The following TRIM37 variants were observed in gnomAD, a reference collection of about 807,000 sequenced individuals.
TRIM37 encodes the protein E3 ubiquitin-protein ligase TRIM37.
TRIM37 carries 80 observed loss-of-function variants against 129.8 expected under a neutral mutation model. The observed-to-expected ratio is 0.62, with a 90% CI of 0.51 to 0.74. The LOEUF (loss-of-function observed/expected upper bound fraction) is 0.74, where lower values mean the gene tolerates loss of function less well. TRIM37 is among the 30% of genes least tolerant of loss of function. TRIM37 has a pLI of 0.00. For missense variants in TRIM37, 1,054 were observed against 1,176.5 expected, an observed-to-expected ratio of 0.90 and a Z score of 1.52; for synonymous variants, 389 against 387.1, an observed-to-expected ratio of 1.00 and a Z score of -0.06.
At chr17:58,996,911 A>C (rs148915685), downstream of TRIM37, among the ~76,000 whole-genome samples, 1 of 151,998 alleles carries the variant, frequency 6.6e-6, no homozygotes, top group East Asian at 1.9e-4. Flanking sequence ...GCATAACCTC[A>C]ATTTAATATA....
rs746916269 is a variant in TRIM37 at position 59,088,365 on chromosome 17, T to C, written c.207A>G (p.Ala69=). 4.3e-6 allele frequency: 7 copies of C among 1,613,832 alleles called. No homozygotes were observed. The highest frequency in any genetic ancestry group is 5.9e-6 in the Non-Finnish European group (7 of 1,179,872). Reference sequence around the variant, plus strand: ...TATCAAGCTGTTGTGTTACTTCTTCTGCCCAACGACAATTTACTAGTTCTC... The same window carrying C: ...TATCAAGCTGTTGTGTTACTTCTTCCGCCCAACGACAATTTACTAGTTCTC... ...QLRELVNCRW[A]EEVTQQLDTL... The change falls in exon 4 of 24, where the codon GCA becomes GCG. Residue 69 remains alanine (A), a synonymous_variant. Transcript: ENST00000262294.
At chr17:59,046,352 C>T (rs1599134161) in intron 16 of TRIM37, among the ~76,000 whole-genome samples, 1 of 152,124 alleles carries the variant, frequency 6.6e-6, no homozygotes, top group Non-Finnish European at 1.5e-5. Context: ...AGTAATGGGA[C>T]ATACTGACAT....
chr17:59,077,608 G>C (rs940662812), intron 7 of TRIM37, among the ~76,000 whole-genome samples: 1 of 151,648 alleles, frequency 6.6e-6, no homozygotes, highest in Non-Finnish European at 1.5e-5. Context: ...TCAGGAGTTT[G>C]AGACCAGCCT....
At chr17:59,003,017 G>A (rs1290320272) in intron 22 of TRIM37, among the ~76,000 whole-genome samples, 1 of 152,140 alleles carries the variant, frequency 6.6e-6, no homozygotes, top group Non-Finnish European at 1.5e-5. Flanking sequence ...CCTCCCAACA[G>A]GCCTGTGCCA....
At chr17:59,091,766 G>A (rs761678740) in intron 2 of TRIM37, among the ~76,000 whole-genome samples, 2 of 150,044 alleles carry the variant, frequency 1.3e-5, no homozygotes, top group Admixed American at 1.4e-4. Context: ...ATCCTCATAG[G>A]GATAAACTTT....
intron 7 of TRIM37, among the ~76,000 whole-genome samples, chr17:59,077,897 G>A (rs1179774065): frequency 6.0e-5 from 9 of 151,060 alleles, no homozygotes; most frequent in African/African-American, 2.2e-4. Context: ...GCGGAGGTGG[G>A]TGGATCACCT....
At chr17:59,073,955 T>A (rs548094428) in intron 8 of TRIM37, among the ~76,000 whole-genome samples, 1 of 152,366 alleles carries the variant, frequency 6.6e-6, no homozygotes, top group East Asian at 1.9e-4. Flanking sequence ...GAGTAAACTC[T>A]AGAATATATT....
chr17:58,980,779 C>G (rs759162654), downstream of TRIM37: 5 of 1,614,146 alleles, frequency 3.1e-6, no homozygotes, highest in South Asian at 3.3e-5. This position sits in a 1 kb window ranked among gnomAD's most constrained non-coding sequence, Gnocchi z 4.7. Context: ...ATTTACGCCA[C>G]CACTACTCAA....
At chr17:58,981,138 T>C, downstream of TRIM37, 1 of 748,388 alleles carries the variant, frequency 1.3e-6, no homozygotes, top group East Asian at 2.7e-5. Context: ...TATGAATCCA[T>C]GGATGGCTCA....
chr17:59,065,413 T>G (rs2146605159), intron 9 of TRIM37, among the ~76,000 whole-genome samples: 1 of 152,358 alleles, frequency 6.6e-6, no homozygotes, highest in South Asian at 2.1e-4. Context: ...GCAACTGTGA[T>G]GGACTAGCAC....
intron 2 of TRIM37, among the ~76,000 whole-genome samples, chr17:59,101,821 C>T (rs1218232524): frequency 6.7e-6 from 1 of 150,236 alleles, no homozygotes; most frequent in Non-Finnish European, 1.5e-5. Flanking sequence ...CGCTGATACT[C>T]CCAGCAACTT....
At chr17:58,991,191 A>T (rs896918118) in intron 24 of TRIM37, among the ~76,000 whole-genome samples, 2 of 151,486 alleles carry the variant, frequency 1.3e-5, no homozygotes, top group African/African-American at 4.8e-5. Flanking sequence ...AAAAAAAAAA[A>T]AAGAAAAAAG....
chr17:59,017,469 C>T, intron 19 of TRIM37, 45 bp from the exon 20 acceptor site: 1 of 1,613,072 alleles, frequency 6.2e-7, no homozygotes, highest in South Asian at 1.1e-5. Context: ...TACTACAGCA[C>T]AAAACTCACT....
At chr17:58,971,651 G>T in the TRIM37 span, among the ~76,000 whole-genome samples, 1 of 152,140 alleles carries the variant, frequency 6.6e-6, no homozygotes, top group Non-Finnish European at 1.5e-5. Flanking sequence ...CATCTGTTGT[G>T]TACCAATCAG....
intron 16 of TRIM37, among the ~76,000 whole-genome samples, chr17:59,045,467 G>A (rs571683489): frequency 1.1e-3 from 160 of 151,128 alleles, no homozygotes; most frequent in Non-Finnish European, 1.7e-3. Flanking sequence ...GTGAAACCTC[G>A]TCTCTACTAA....
At chr17:59,047,892 TA>T in intron 15 of TRIM37, 73 bp from the exon 16 acceptor site, 1 of 1,558,690 alleles carries the variant, frequency 6.4e-7, no homozygotes, top group African/African-American at 1.4e-5. Context: ...ATCCAGCCCA[TA>T]AACCAAGCAC....
chr17:59,042,437 A>ATATATAT (rs2039298010), intron 16 of TRIM37, among the ~76,000 whole-genome samples: 4 of 74,246 alleles, frequency 5.4e-5, no homozygotes, highest in African/African-American at 2.8e-4. Context: ...AATTTAAAAA[A>ATATATAT]AAAAAAAAAA....
At chr17:59,096,062 C>G (rs1191373998) in intron 2 of TRIM37, among the ~76,000 whole-genome samples, 1 of 152,080 alleles carries the variant, frequency 6.6e-6, no homozygotes, top group Non-Finnish European at 1.5e-5. Context: ...TAAACTATAA[C>G]AAAAGTCCAC....
chr17:58,987,472 G>A (rs1043170291), intron 24 of TRIM37, among the ~76,000 whole-genome samples: 4 of 152,160 alleles, frequency 2.6e-5, no homozygotes, highest in Non-Finnish European at 5.9e-5. Flanking sequence ...GGAGACTCCC[G>A]GTCAACATGC....
Sources: allele counts gnomAD v4.1 joint callset (sites outside exome capture counted in the v4.1 genomes callset), GRCh38; gene constraint gnomAD v4.1.1; non-coding constraint Gnocchi (gnomAD v3.1); transcripts MANE v1.5; gene names NCBI Gene and HGNC (gene_info 2026-07-23, HGNC 2026-07-21).